The following RGS12 variants were observed in gnomAD, a reference collection of about 807,000 sequenced individuals.
RGS12 encodes the protein regulator of G-protein signaling 12.
Under a neutral mutation model 120.1 loss-of-function variants are expected in RGS12, and 66 were observed. That is an observed-to-expected ratio of 0.55 (90% confidence interval 0.45 to 0.67). The LOEUF is 0.67. RGS12 is among the 30% of genes least tolerant of loss of function. RGS12 has a pLI of 0.00. For missense variants in RGS12, 1,859 were observed against 1,957.7 expected, an observed-to-expected ratio of 0.95 and a Z score of 0.95; for synonymous variants, 827 against 804.7, an observed-to-expected ratio of 1.03 and a Z score of -0.47.
At chr4:3,434,381 C>T (rs963367718) in intron 17 of RGS12, among the ~76,000 whole-genome samples, 1 of 152,162 alleles carries the variant, frequency 6.6e-6, no homozygotes, top group African/African-American at 2.4e-5. Context: ...GGACACGGAG[C>T]CAAACCATAT....
At chr4:3,309,692 C>G (rs1365734495) in intron 1 of RGS12, among the ~76,000 whole-genome samples, 3 of 98,166 alleles carry the variant, frequency 3.1e-5, no homozygotes, top group Non-Finnish European at 6.5e-5. Flanking sequence ...TGAGGGGAAC[C>G]GTGCAGGGGA....
rs1213437963 is a variant in RGS12 at position 3,317,127 on chromosome 4, G to A, written c.957G>A (p.Thr319=). 2 of 1,613,942 alleles carry A rather than the reference G, an allele frequency of 1.2e-6. No individual in the cohort carries two copies. Among genetic ancestry groups the A allele is most frequent in the Admixed American group, 1.7e-5 (1 of 60,036 alleles). Residue 319 remains threonine (T), a synonymous_variant, in exon 2 of 18, where the codon ACG becomes ACA. Coordinates refer to ENST00000336727, the MANE Select transcript of RGS12 (RefSeq NM_001394154.1). The stretch of plus-strand genomic sequence containing the variant: ...TTTTCGGGTTGGTTACCATGCAGAC[G>A]AATGACGACGGGAGCCTGGCCCAGG... ...RRFFGLVTMQ[T]NDDGSLAQEE... is the part of the protein sequence containing the mutation.
At chr4:3,321,127 A>C (rs114873489) in intron 2 of RGS12, among the ~76,000 whole-genome samples, 342 of 152,312 alleles carry the variant, frequency 2.2e-3, no homozygotes, top group African/African-American at 7.6e-3. Flanking sequence ...TTTGAACAGG[A>C]AAAATTCAGT....
chr4:3,304,919 T>C (rs1247459504), intron 1 of RGS12, among the ~76,000 whole-genome samples: 3 of 152,248 alleles, frequency 2.0e-5, no homozygotes, highest in African/African-American at 7.2e-5. Flanking sequence ...GAGTCCTGCC[T>C]GGTGAGGCTC....
intron 3 of RGS12, among the ~76,000 whole-genome samples, chr4:3,362,862 TGC>T (rs1256136975): frequency 7.8e-6 from 1 of 128,554 alleles, no homozygotes; most frequent in Non-Finnish European, 1.7e-5. Flanking sequence ...GGTGTGTGTG[TGC>T]GAGGGTGTGT....
intron 3 of RGS12, among the ~76,000 whole-genome samples, chr4:3,377,691 C>G (rs1163267219): frequency 6.6e-6 from 1 of 152,106 alleles, no homozygotes; most frequent in Admixed American, 6.5e-5. Flanking sequence ...TTAAAACTTT[C>G]AAAACATTCA....
intron 3 of RGS12, among the ~76,000 whole-genome samples, chr4:3,355,794 C>CA (rs372490658): frequency 0.29 from 16,346 of 57,096 alleles, 1,974 homozygotes; most frequent in East Asian, 0.37. Flanking sequence ...GACCTTGTCT[C>CA]AAAAAAAAAA....
chr4:3,370,604 A>G (rs915216759), intron 3 of RGS12, among the ~76,000 whole-genome samples: 3 of 152,266 alleles, frequency 2.0e-5, no homozygotes, highest in African/African-American at 7.2e-5. Context: ...ACTTACGGAA[A>G]GCGTCAGATG....
rs550195734 is a variant in RGS12, at chr4:3,341,089, C to T, written c.1882-1848C>T. Among the ~76,000 whole-genome samples the T allele has an allele frequency of 1.7e-4, 26 of 150,720 alleles. No homozygotes were observed. In the South Asian group the frequency reaches 2.8e-3, roughly 16 times the overall value. ...CTCCCCGAGCATCCTCTCGTGTTCC[C>T]GGCAGCCACAGCCCCTGGGTGCTGG... On this transcript the variant is annotated intron_variant, in intron 2 of 17. Coordinates refer to ENST00000336727, the MANE Select transcript of RGS12 (RefSeq NM_001394154.1).
At chr4:3,305,119 T>C (rs143767390) in intron 1 of RGS12, among the ~76,000 whole-genome samples, 61 of 152,378 alleles carry the variant, frequency 4.0e-4, no homozygotes, top group African/African-American at 1.2e-3. Flanking sequence ...GCGGCTTCCT[T>C]GGGCAGCTCA....
intron 1 of RGS12, among the ~76,000 whole-genome samples, chr4:3,296,565 A>G (rs147667219): frequency 9.8e-5 from 15 of 152,344 alleles, no homozygotes; most frequent in African/African-American, 3.6e-4. Context: ...TCACATCTGC[A>G]GATCCGTATT....
intron 7 of RGS12, among the ~76,000 whole-genome samples, chr4:3,416,438 C>T (rs16844307): frequency 0.23 from 34,533 of 152,060 alleles, 4,872 homozygotes; most frequent in East Asian, 0.47. Context: ...GGCGCATCTG[C>T]GTTTGAAGTT....
rs1423919549 is a variant in RGS12 at position 3,317,693 on chromosome 4, T to C, written c.1523T>C (p.Val508Ala). Residue 508 changes from valine to alanine, a missense_variant, in exon 2 of 18, where the codon GTG (valine) becomes GCG (alanine). This residue lies in a region of RGS12 where 967 missense variants were observed against 994.2 expected (regional missense o/e 0.97). Coordinates refer to ENST00000336727, the MANE Select transcript of RGS12 (RefSeq NM_001394154.1). ...LNKHLGPASP[V>A]EVPPASLRSS... Reference sequence around the variant, plus strand: ...AAGCACCTAGGGCCAGCCTCTCCTGTGGAGGTGCCCCCAGCTTCCTTGAGG... The same window carrying C: ...AAGCACCTAGGGCCAGCCTCTCCTGCGGAGGTGCCCCCAGCTTCCTTGAGG... The C allele has an allele frequency of 3.7e-6, 6 of 1,612,248 alleles. No individual in the cohort carries two copies. Among genetic ancestry groups the C allele is most frequent in the Admixed American group, 3.3e-5 (2 of 59,968 alleles).
intron 3 of RGS12, among the ~76,000 whole-genome samples, chr4:3,351,951 C>T (rs1714395025): frequency 6.6e-6 from 1 of 152,130 alleles, no homozygotes; most frequent in Non-Finnish European, 1.5e-5. Flanking sequence ...TATTTAGAAT[C>T]TTTATTTTTG....
At position 3,420,697 on chromosome 4, in the gene RGS12, C is replaced by T; in HGVS notation, c.2817C>T (p.Ser939=). Residue 939 remains serine, a synonymous_variant, in exon 10 of 18, where the codon TCC becomes TCT. Coordinates refer to ENST00000336727, the MANE Select transcript of RGS12 (RefSeq NM_001394154.1). ...LCRRESQGSV[S]SAGSLDLSEA... ...GCCGAGAGTCGCAGGGCTCTGTGTC[C>T]TCTGCGGGGAGCCTGGACCTGGTGA... The T allele has an allele frequency of 1.2e-6, 2 of 1,612,978 alleles. No homozygotes were observed. Among genetic ancestry groups the T allele is most frequent in the Non-Finnish European group, 1.7e-6 (2 of 1,180,026 alleles).
At chr4:3,348,023 G>A (rs888880599) in intron 3 of RGS12, among the ~76,000 whole-genome samples, 1 of 152,166 alleles carries the variant, frequency 6.6e-6, no homozygotes, top group African/African-American at 2.4e-5. Flanking sequence ...TTTACCAGAC[G>A]TACCAGATAA....
chr4:3,393,567 T>C (rs1366851270), intron 4 of RGS12, among the ~76,000 whole-genome samples: 1 of 152,186 alleles, frequency 6.6e-6, no homozygotes, highest in Non-Finnish European at 1.5e-5. Context: ...GTCACAGGGC[T>C]CACCTTATTA....
intron 3 of RGS12, 71 bp downstream of exon 3, chr4:3,343,124 G>A (rs748522300): frequency 6.2e-5 from 71 of 1,137,526 alleles, no homozygotes; most frequent in Non-Finnish European, 7.8e-5. Context: ...TTGCAGATAC[G>A]TCTGGCTGTT....
rs572090461 is a variant in RGS12, at chr4:3,372,551, G to A, written c.1999-13865G>A. Among the ~76,000 whole-genome samples the A allele has an allele frequency of 6.6e-6, 1 of 152,308 alleles. No homozygotes were observed. Among genetic ancestry groups the A allele is most frequent in the East Asian group, 1.9e-4 (1 of 5,172 alleles). ...CTTTAGTCCTCAGCTGTCAGAGGCC[G>A]CCTCGGGTGCATCCACGCTGGCCCC... On this transcript the variant is annotated intron_variant, in intron 3 of 17. Coordinates refer to ENST00000336727, the MANE Select transcript of RGS12 (RefSeq NM_001394154.1). This position sits in a 1 kb window ranked among gnomAD's most constrained non-coding sequence, Gnocchi z 4.3.
Sources: allele counts gnomAD v4.1 joint callset (sites outside exome capture counted in the v4.1 genomes callset), GRCh38; gene constraint gnomAD v4.1.1; regional missense constraint gnomAD v4.1.1; non-coding constraint Gnocchi (gnomAD v3.1); transcripts MANE v1.5; gene names NCBI Gene and HGNC (gene_info 2026-07-23, HGNC 2026-07-21).